Variants in TLN2 observed in about 807,000 individuals in gnomAD.
The protein encoded by TLN2 is talin 2, also known as talin-2.
TLN2 carries 118 observed loss-of-function variants against 294.7 expected under a neutral mutation model. The ratio of observed to expected loss-of-function variants is 0.40; its 90% CI spans 0.34 to 0.47. The LOEUF (loss-of-function observed/expected upper bound fraction) is 0.47, where lower values mean the gene tolerates loss of function less well. Ranked by LOEUF, TLN2 falls within the 20% of genes least tolerant of loss-of-function variation. TLN2 has a pLI of 0.84. For missense variants in TLN2, 3,083 were observed against 3,282.2 expected (o/e 0.94, Z 1.48); for synonymous variants, 1,431 against 1,304.5 (o/e 1.10, Z -2.09).
intron 3 of TLN2, chr15:62,645,065 T>C (rs2051667816): frequency 6.3e-6 from 1 of 158,676 alleles, no homozygotes. Context: ...ATTTTAGCAA[T>C]TGTTGCCAGC....
In TLN2 at chr15:62,668,647, G is replaced by A. The variant is rs528526968; in HGVS notation, c.789-5180G>A. Among the ~76,000 whole-genome samples, 5 of 152,314 alleles carry A rather than the reference G, an allele frequency of 3.3e-5. No individual in the cohort carries two copies. The South Asian group carries it at 6.2e-4, about 19-fold the overall frequency. On this transcript the variant is annotated intron_variant, in intron 9 of 58. Transcript: ENST00000636159. ...CCAGAGCATGGTCCCCAGTGCCCAC[G>A]GATGAGACGGCGTGTGTGCTGTGAC...
intron 3 of TLN2, chr15:62,645,230 A>C (rs554964598): frequency 6.5e-6 from 1 of 153,012 alleles, no homozygotes; most frequent in African/African-American, 2.4e-5. Flanking sequence ...ATATGGCTTT[A>C]AAAGTCCTCA....
At position 62,653,300 on chromosome 15, in the gene TLN2, A is replaced by C; in HGVS notation, c.503A>C (p.His168Pro). The C allele has an allele frequency of 6.2e-7, 1 of 1,613,156 alleles. No homozygotes were observed. Among genetic ancestry groups the C allele is most frequent in the East Asian group, 2.2e-5 (1 of 44,874 alleles). ...ATGGAGAAGTTGAAGGCCAAGCTGC[A>C]CACAGATGATGACCGTAAGTGTTTG... is the stretch of plus-strand genomic sequence containing the variant. ...RKMEKLKAKL[H>P]TDDDLNWLDH... The change falls in exon 7 of 59, where the codon CAC (histidine) becomes CCC (proline). Residue 168 changes from histidine (H) to proline (P), a missense_variant. His to Pro is a moderately conservative substitution (Grantham distance 77). Coordinates refer to ENST00000636159, the MANE Select transcript of TLN2 (RefSeq NM_015059.3).
intron 1 of TLN2, among the ~76,000 whole-genome samples, chr15:62,498,153 C>CAAAAAAAAAAAAAA (rs538951284): frequency 1.1e-5 from 1 of 93,410 alleles, no homozygotes; most frequent in Non-Finnish European, 2.2e-5. Flanking sequence ...GACCCTGCCT[C>CAAAAAAAAAAAAAA]AAAAAAAAAA....
intron 11 of TLN2, among the ~76,000 whole-genome samples, chr15:62,679,739 G>A (rs893009891): frequency 3.9e-5 from 6 of 152,182 alleles, no homozygotes; most frequent in South Asian, 2.1e-4. Flanking sequence ...TCTTCATCAG[G>A]TTTCCTCCAA....
At chr15:62,825,796 ATATAT>A (rs1445943059) in intron 54 of TLN2, among the ~76,000 whole-genome samples, 50 of 4,682 alleles carry the variant, frequency 0.011, 1 homozygote, top group Non-Finnish European at 0.026. Flanking sequence ...ATATTATAAT[ATATAT>A]TATATATTAT....
intron 1 of TLN2, among the ~76,000 whole-genome samples, chr15:62,391,678 G>A (rs556243541): frequency 1.3e-5 from 2 of 148,876 alleles, no homozygotes; most frequent in South Asian, 2.4e-4. Flanking sequence ...CGCACAAGGC[G>A]CGCACGACTG....
intron 32 of TLN2, among the ~76,000 whole-genome samples, chr15:62,742,492 G>T (rs1320045843): frequency 6.6e-6 from 1 of 152,166 alleles, no homozygotes; most frequent in Non-Finnish European, 1.5e-5. Flanking sequence ...TGGGAAGGAG[G>T]GGGAATGTAT....
chr15:62,588,362 G>A (rs114678343), intron 1 of TLN2, among the ~76,000 whole-genome samples: 1,785 of 151,694 alleles, frequency 0.012, 35 homozygotes, highest in African/African-American at 0.041. Flanking sequence ...AAATAAGGGC[G>A]CAGCGGCTCA....
intron 1 of TLN2, among the ~76,000 whole-genome samples, chr15:62,557,359 G>A (rs958676994): frequency 1.8e-4 from 27 of 152,180 alleles, no homozygotes; most frequent in Non-Finnish European, 3.2e-4. Flanking sequence ...CATGGAAACA[G>A]TGAATTTAGA....
At chr15:62,464,012 T>G (rs953976933) in intron 1 of TLN2, among the ~76,000 whole-genome samples, 3 of 152,334 alleles carry the variant, frequency 2.0e-5, no homozygotes, top group Admixed American at 2.0e-4. Flanking sequence ...TGGAAGACAG[T>G]GTGGCAATTC....
At chr15:62,619,786 T>C (rs1377741511) in intron 3 of TLN2, among the ~76,000 whole-genome samples, 1 of 152,206 alleles carries the variant, frequency 6.6e-6, no homozygotes, top group Non-Finnish European at 1.5e-5. Context: ...GTGTTCCCAC[T>C]GAAACCTGGA....
At chr15:62,411,428 G>GAT (rs1491393013) in intron 1 of TLN2, among the ~76,000 whole-genome samples, 1 of 71,776 alleles carries the variant, frequency 1.4e-5, no homozygotes, top group Non-Finnish European at 3.1e-5. Flanking sequence ...GTGAGTAATG[G>GAT]ATGTGTGTGT....
intron 40 of TLN2, among the ~76,000 whole-genome samples, chr15:62,765,636 T>C (rs1331476288): frequency 6.6e-6 from 1 of 152,224 alleles, no homozygotes. Flanking sequence ...TCTCCACCTT[T>C]GAATCCCCCA....
chr15:62,446,100 G>A (rs1360368167), intron 1 of TLN2, among the ~76,000 whole-genome samples: 1 of 151,806 alleles, frequency 6.6e-6, no homozygotes, highest in Non-Finnish European at 1.5e-5. Flanking sequence ...TCCGCCTCCC[G>A]GGTTCACGTC....
At chr15:62,474,531 A>G (rs951819912) in intron 1 of TLN2, among the ~76,000 whole-genome samples, 4 of 151,976 alleles carry the variant, frequency 2.6e-5, no homozygotes, top group African/African-American at 7.2e-5. Flanking sequence ...AGTCCTAGCT[A>G]CTCGGGAGGC....
intron 1 of TLN2, among the ~76,000 whole-genome samples, chr15:62,530,875 TTTC>T (rs1255327251): frequency 6.6e-6 from 1 of 152,222 alleles, no homozygotes; most frequent in African/African-American, 2.4e-5. Flanking sequence ...ACTGTCCTAT[TTTC>T]TTTTCTAACA....
Position 62,717,624 on chromosome 15 carries a change from T to A in TLN2, c.2812T>A (p.Ser938Thr), listed in dbSNP as rs141002416. The A allele has an allele frequency of 6.2e-7, 1 of 1,604,694 alleles. No individual in the cohort carries two copies. The highest frequency in any genetic ancestry group is 8.5e-7 in the Non-Finnish European group (1 of 1,176,272). ...GGCAGCCACACAGACCATCGCCGCC[T>A]CCCAGAATGCAGCTGTTTCCAACAA... ...AAAATQTIAASQNAAVSNKNP... is the reference protein window; with the variant it reads ...AAAATQTIAATQNAAVSNKNP... Residue 938 changes from serine to threonine, a missense_variant, in exon 24 of 59, where the codon TCC (serine) becomes ACC (threonine). By Grantham distance (58) the Ser-to-Thr change is moderately conservative (BLOSUM62 1). Coordinates refer to ENST00000636159, the MANE Select transcript of TLN2 (RefSeq NM_015059.3).
intron 1 of TLN2, among the ~76,000 whole-genome samples, chr15:62,544,726 C>CTTTT (rs11424816): frequency 4.1e-5 from 6 of 144,866 alleles, no homozygotes; most frequent in Non-Finnish European, 4.6e-5. Flanking sequence ...AGTAGAAAAG[C>CTTTT]TTTTTTTTTT....
Sources: gnomAD v4.1 joint callset for allele counts (sites outside exome capture counted in the v4.1 genomes callset) on GRCh38, gnomAD v4.1.1 for gene constraint, MANE v1.5 for transcripts, NCBI Gene and HGNC (gene_info 2026-07-23, HGNC 2026-07-21) for gene names.